ITGA9: variants seen among roughly 807,000 people sequenced by gnomAD.
ITGA9 encodes integrin alpha-9.
Under a neutral mutation model 127.8 loss-of-function variants are expected in ITGA9, and 56 were observed. The observed-to-expected ratio is 0.44, with a 90% confidence interval of 0.35 to 0.55. The LOEUF is 0.55. Ranked by LOEUF, ITGA9 falls within the 20% of genes least tolerant of loss-of-function variation. The pLI is 0.00. For missense variants in ITGA9, 1,196 were observed against 1,347.1 expected (o/e 0.89, Z 1.76); for synonymous variants, 508 against 514.5 (o/e 0.99, Z 0.17).
rs551115007 is a variant in ITGA9, at chr3:37,630,541, T to G, written c.1839+1205T>G. Among the ~76,000 whole-genome samples the G allele has an allele frequency of 3.3e-5, 5 of 152,296 alleles. No homozygotes were observed. In the East Asian group the frequency reaches 9.7e-4, roughly 30 times the overall value. ...TTTTGTGCCCCATATCATTCAGCCA[T>G]TGACTGGCTGTGGGGGGGAAGGGAA... On this transcript the variant is annotated intron_variant, in intron 16 of 27. Transcript: ENST00000264741.
intron 21 of ITGA9, among the ~76,000 whole-genome samples, chr3:37,742,390 T>G (rs1168639712): frequency 1.3e-5 from 2 of 152,130 alleles, no homozygotes; most frequent in Non-Finnish European, 2.9e-5. Context: ...ACACTGTCTG[T>G]CTGGGTCAAG....
At chr3:37,488,023 G>A (rs1424472004) in intron 4 of ITGA9, among the ~76,000 whole-genome samples, 1 of 152,176 alleles carries the variant, frequency 6.6e-6, no homozygotes, top group African/African-American at 2.4e-5. Context: ...GTCTGGAGTG[G>A]CTGCTTACTG....
intron 15 of ITGA9, among the ~76,000 whole-genome samples, chr3:37,553,609 A>G (rs17036624): frequency 0.036 from 5,407 of 152,294 alleles, 293 homozygotes; most frequent in African/African-American, 0.12. Flanking sequence ...TGGTTTTCCA[A>G]AGTTAGTTGC....
Position 37,819,007 on chromosome 3 carries a change from A to G in ITGA9, c.*18A>G, listed in dbSNP as rs777439306. 3 of 1,510,508 alleles carry G rather than the reference A, an allele frequency of 2.0e-6. No homozygotes were observed. In the African/African-American group the frequency reaches 4.1e-5, roughly 21 times the overall value. The allele number at this position is 1,510,508 out of a possible 1,614,324, so 93.6% of individuals were successfully genotyped here. On this transcript the variant is annotated 3_prime_UTR_variant, in exon 28 of 28. Coordinates refer to ENST00000264741, the MANE Select transcript of ITGA9 (RefSeq NM_002207.3). ...ACCAGTGAGCTGCCACACCAGTCAC[A>G]TGACCTGATCACTAGCCTGTCATCC...
chr3:37,635,210 T>A (rs1700266133), intron 16 of ITGA9, among the ~76,000 whole-genome samples: 1 of 152,224 alleles, frequency 6.6e-6, no homozygotes, highest in South Asian at 2.1e-4. Flanking sequence ...TGTATAATCA[T>A]GACACTTGTC....
intron 26 of ITGA9, among the ~76,000 whole-genome samples, chr3:37,797,932 G>A (rs566808643): frequency 1.1e-3 from 168 of 152,116 alleles, no homozygotes; most frequent in Non-Finnish European, 2.0e-3. Context: ...TGATCCACCC[G>A]CCTTGGTCTC....
chr3:37,664,122 G>A (rs1448969411), intron 17 of ITGA9, among the ~76,000 whole-genome samples: 3 of 152,256 alleles, frequency 2.0e-5, no homozygotes, highest in East Asian at 3.9e-4. Context: ...TCTACATCGC[G>A]CTCTCCTCCT....
chr3:37,807,061 C>A (rs1341821232), intron 27 of ITGA9: 1 of 152,276 alleles, frequency 6.6e-6, no homozygotes, highest in Non-Finnish European at 1.5e-5. Context: ...CCCTCCCTTG[C>A]CCCCAAGGAG....
chr3:37,563,022 C>A (rs552726168), intron 15 of ITGA9, among the ~76,000 whole-genome samples: 1 of 151,988 alleles, frequency 6.6e-6, no homozygotes, highest in South Asian at 2.1e-4. Flanking sequence ...CCCAGCACCA[C>A]GCAGAGTAAT....
rs578035237 is a variant in ITGA9, at chr3:37,571,825, G to T, written c.1689+29240G>T. 6.6e-5 allele frequency among the ~76,000 whole-genome samples: 10 copies of T among 152,070 alleles called. No individual in the cohort carries two copies. The South Asian group carries it at 2.1e-3, about 32-fold the overall frequency. The stretch of plus-strand genomic sequence containing the variant: ...TGGCAGGGGAGCATGGAAGGGAGGA[G>T]TCCTTGTCCATCGTGTCTCACCATC... On this transcript the variant is annotated intron_variant, in intron 15 of 27. Coordinates refer to ENST00000264741, the MANE Select transcript of ITGA9 (RefSeq NM_002207.3).
intron 3 of ITGA9, among the ~76,000 whole-genome samples, chr3:37,474,871 A>T (rs2125555327): frequency 6.6e-6 from 1 of 152,330 alleles, no homozygotes; most frequent in Non-Finnish European, 1.5e-5. Flanking sequence ...CTCTCTAAGG[A>T]GCCCACTTTT....
intron 15 of ITGA9, among the ~76,000 whole-genome samples, chr3:37,602,281 A>AC (rs1244767579): frequency 2.0e-5 from 3 of 152,282 alleles, no homozygotes; most frequent in East Asian, 1.9e-4. Context: ...ACAAAACAAA[A>AC]AAAAAATGTT....
At chr3:37,484,883 T>C (rs184297672) in intron 4 of ITGA9, among the ~76,000 whole-genome samples, 3 of 152,376 alleles carry the variant, frequency 2.0e-5, no homozygotes, top group East Asian at 1.9e-4. Context: ...TACTTGCTAA[T>C]ATATGCTAAG....
intron 8 of ITGA9, among the ~76,000 whole-genome samples, chr3:37,512,159 C>CTTTTCTTTTG (rs1698933504): frequency 2.3e-4 from 4 of 17,182 alleles, no homozygotes; most frequent in African/African-American, 8.2e-4. Context: ...CTTTTCTTTT[C>CTTTTCTTTTG]TTTTCTTTTC....
chr3:37,479,632 T>G (rs568396610), intron 3 of ITGA9, among the ~76,000 whole-genome samples: 6 of 152,302 alleles, frequency 3.9e-5, no homozygotes, highest in African/African-American at 1.2e-4. Context: ...TCACATGTCC[T>G]GGGACATGTG....
At chr3:37,584,156 T>C (rs945642783) in intron 15 of ITGA9, among the ~76,000 whole-genome samples, 3 of 152,236 alleles carry the variant, frequency 2.0e-5, no homozygotes, top group Non-Finnish European at 4.4e-5. Context: ...ACAGTTCTGC[T>C]GCAGGTCTGC....
intron 16 of ITGA9, among the ~76,000 whole-genome samples, chr3:37,635,459 C>T (rs1413943223): frequency 1.3e-5 from 2 of 152,138 alleles, no homozygotes; most frequent in Non-Finnish European, 2.9e-5. Flanking sequence ...TCACTGTTGG[C>T]TTAAAATTGC....
At chr3:37,682,717 A>G (rs1223454626) in intron 17 of ITGA9, among the ~76,000 whole-genome samples, 6 of 152,196 alleles carry the variant, frequency 3.9e-5, no homozygotes, top group Non-Finnish European at 8.8e-5. Flanking sequence ...ATAAATGACA[A>G]CTTTTCTCTT....
Position 37,719,736 on chromosome 3 carries a change from C to T in ITGA9, c.2068-12976C>T, listed in dbSNP as rs113646741. Among the ~76,000 whole-genome samples the T allele has an allele frequency of 3.0e-4, 45 of 152,178 alleles. 1 individual carries two copies. In the South Asian group the frequency reaches 9.1e-3, roughly 31 times the overall value. ...GAGACCGGTGAGATGGATAGATGCC[C>T]CAGCTTTCTCACCCGTTGATGACAC... is the stretch of plus-strand genomic sequence containing the variant. On this transcript the variant is annotated intron_variant, in intron 18 of 27. Transcript: ENST00000264741.
Sources: gnomAD v4.1 joint callset for allele counts (sites outside exome capture counted in the v4.1 genomes callset) on GRCh38, gnomAD v4.1.1 for gene constraint, MANE v1.5 for transcripts, NCBI Gene and HGNC (gene_info 2026-07-23, HGNC 2026-07-21) for gene names.